The following TRIM24 variants were observed in gnomAD, a reference collection of about 807,000 sequenced individuals.
TRIM24 encodes the protein tripartite motif containing 24.
TRIM24 carries 29 observed loss-of-function variants against 123.9 expected under a neutral mutation model. That is an observed-to-expected ratio of 0.23 (90% CI 0.17 to 0.32). The LOEUF is 0.32. Ranked by LOEUF, TRIM24 falls within the 10% of genes least tolerant of loss-of-function variation. The probability of loss-of-function intolerance (pLI) is 1.00; values close to 1 mark genes in which losing one functional copy is unlikely to be tolerated. For synonymous variants in TRIM24, 456 were observed against 461.1 expected (o/e 0.99, Z 0.14); for missense variants, 932 against 1,295.3 (o/e 0.72, Z 4.31).
intron 6 of TRIM24, among the ~76,000 whole-genome samples, chr7:138,534,914 A>G (rs888663827): frequency 3.3e-5 from 5 of 152,076 alleles, no homozygotes; most frequent in Non-Finnish European, 7.3e-5. Flanking sequence ...TTGGGTGCAT[A>G]TATGTTTAGG....
chr7:138,580,496 G>A, intron 15 of TRIM24, 66 bp from the exon 16 acceptor site: 1 of 1,548,532 alleles, frequency 6.5e-7, no homozygotes, highest in Non-Finnish European at 8.7e-7. Flanking sequence ...GAGGAGGTGG[G>A]AAAGGGAAAT....
chr7:138,507,539 T>C (rs949893151), intron 2 of TRIM24, among the ~76,000 whole-genome samples: 1 of 151,856 alleles, frequency 6.6e-6, no homozygotes, highest in Non-Finnish European at 1.5e-5. Flanking sequence ...GCCAGACTGG[T>C]TGCAAACTCC....
intron 17 of TRIM24, among the ~76,000 whole-genome samples, chr7:138,582,652 G>C (rs1013374151): frequency 6.6e-6 from 1 of 152,080 alleles, no homozygotes; most frequent in Non-Finnish European, 1.5e-5. Flanking sequence ...CCCGGAGGCG[G>C]AGGTTGCAGT....
At position 138,567,557 on chromosome 7, in the gene TRIM24, A is replaced by T. The variant is rs776100799; in HGVS notation, c.1607A>T (p.Gln536Leu). Reference sequence around the variant, plus strand: ...GGACCAGTTCTTCCTCCTCATCCTCAACAACTGAGATATCCACCAAACCAG... The same window carrying T: ...GGACCAGTTCTTCCTCCTCATCCTCTACAACTGAGATATCCACCAAACCAG... ...PNGPVLPPHP[Q>L]QLRYPPNQNI... Residue 536 changes from glutamine (Q) to leucine (L), a missense_variant, in exon 10 of 19, where the codon CAA becomes CTA. By Grantham distance (113) the Gln-to-Leu change is moderately radical. Around this residue, in one of 7 missense-constraint regions of TRIM24, gnomAD observed 527 missense variants for 691.3 expected, o/e 0.76. Coordinates refer to ENST00000343526, the MANE Select transcript of TRIM24 (RefSeq NM_015905.3). 3.1e-6 allele frequency: 5 copies of T among 1,613,930 alleles called. No homozygotes were observed. In the Admixed American group the frequency reaches 8.3e-5, roughly 27 times the overall value.
At chr7:138,552,618 A>G (rs1394634596) in intron 8 of TRIM24, among the ~76,000 whole-genome samples, 1 of 152,098 alleles carries the variant, frequency 6.6e-6, no homozygotes, top group Non-Finnish European at 1.5e-5. Flanking sequence ...TCTTATCCCC[A>G]ACACTAGATT....
intron 1 of TRIM24, among the ~76,000 whole-genome samples, chr7:138,464,253 C>G (rs1167647585): frequency 6.6e-6 from 1 of 151,772 alleles, no homozygotes; most frequent in African/African-American, 2.4e-5. Flanking sequence ...GCCTTGGCCC[C>G]CAGAAGTGCT....
chr7:138,493,341 A>G (rs1387017432), intron 1 of TRIM24, among the ~76,000 whole-genome samples: 2 of 152,212 alleles, frequency 1.3e-5, no homozygotes, highest in African/African-American at 4.8e-5. Context: ...AAGTATTACA[A>G]TGTGTTGGTA....
rs1798055448 is a variant in TRIM24 at position 138,588,513 on chromosome 7, A to C, written c.*3562A>C. 6.6e-6 allele frequency: 1 copy of C among 151,230 alleles called. No individual in the cohort carries two copies. The highest frequency in any genetic ancestry group is 2.1e-4 in the South Asian group (1 of 4,780). 9.4% of individuals were successfully genotyped at this position (151,230 alleles called of 1,614,324 possible). A position where few individuals can be genotyped will look rare whatever the true frequency, so the allele number is the denominator to read the frequency against. ...TCAGGAGTTTGAGACCAGCCTGACCAACATGGTGAAACCCCATCTCTACTA... is the reference window on the plus strand; with the variant it reads ...TCAGGAGTTTGAGACCAGCCTGACCCACATGGTGAAACCCCATCTCTACTA... On this transcript the variant is annotated 3_prime_UTR_variant, in exon 19 of 19. Coordinates refer to ENST00000343526, the MANE Select transcript of TRIM24 (RefSeq NM_015905.3).
At chr7:138,522,284 T>C (rs970016030) in intron 4 of TRIM24, among the ~76,000 whole-genome samples, 2 of 151,160 alleles carry the variant, frequency 1.3e-5, no homozygotes, top group Admixed American at 1.3e-4. Flanking sequence ...TGCAGTGAGC[T>C]GAGATGGCAC....
chr7:138,543,707 A>C (rs1015149754), intron 7 of TRIM24, among the ~76,000 whole-genome samples: 1 of 152,230 alleles, frequency 6.6e-6, no homozygotes, highest in South Asian at 2.1e-4. Flanking sequence ...AAACAGATGA[A>C]TATCCATTAT....
Position 138,554,785 on chromosome 7 carries a change from G to GT in TRIM24, c.1352dup (p.Leu451PhefsTer47). ...GAACAGAATTCACAGCCACCAAGTG[G>GT]TTTATCATCAAACCAGTTATCCAAG... On this transcript the variant is annotated frameshift_variant, in exon 9 of 19. Coordinates refer to ENST00000343526, the MANE Select transcript of TRIM24 (RefSeq NM_015905.3). LOFTEE classifies it high-confidence loss of function. The surrounding 1 kb of genome is among the most constrained non-coding windows in gnomAD (Gnocchi z 4.5). The GT allele has an allele frequency of 6.2e-7, 1 of 1,614,194 alleles. No individual in the cohort carries two copies. The highest frequency in any genetic ancestry group is 1.1e-5 in the South Asian group (1 of 91,086).
At chr7:138,552,332 C>G (rs1320980092) in intron 8 of TRIM24, among the ~76,000 whole-genome samples, 2 of 152,108 alleles carry the variant, frequency 1.3e-5, no homozygotes, top group Non-Finnish European at 2.9e-5. Flanking sequence ...TGAATTATCA[C>G]AAAAAGAGAC....
intron 7 of TRIM24, among the ~76,000 whole-genome samples, chr7:138,539,060 T>A (rs894063947): frequency 2.0e-5 from 3 of 152,212 alleles, no homozygotes; most frequent in African/African-American, 7.2e-5. Context: ...ATATCAAAAA[T>A]AAGGATGATA....
chr7:138,502,169 C>T (rs904719772), intron 1 of TRIM24, among the ~76,000 whole-genome samples: 1 of 152,168 alleles, frequency 6.6e-6, no homozygotes, highest in Admixed American at 6.5e-5. Context: ...TGCTGGTCCT[C>T]ATCTACCTGA....
rs1796581874 is a variant in TRIM24, at chr7:138,525,131, T to G, written c.765-110T>G. 4 of 501,372 alleles carry G rather than the reference T, an allele frequency of 8.0e-6. No homozygotes were observed. In the South Asian group the frequency reaches 1.6e-4, roughly 20 times the overall value. 31.1% of individuals were successfully genotyped at this position (501,372 alleles called of 1,614,324 possible). ...GGATACGTTTGATGTTTTAAAAGAT[T>G]ATTATATAAATTCTTTATAATCCTA... On this transcript the variant is annotated intron_variant, in intron 4 of 18. Coordinates refer to ENST00000343526, the MANE Select transcript of TRIM24 (RefSeq NM_015905.3).
At chr7:138,494,047 T>C (rs754985541) in intron 1 of TRIM24, among the ~76,000 whole-genome samples, 5 of 151,982 alleles carry the variant, frequency 3.3e-5, no homozygotes, top group Non-Finnish European at 7.4e-5. Flanking sequence ...AATGGCGCGA[T>C]CTCAGCTCAC....
rs1473903840 is a variant in TRIM24, at chr7:138,585,031, AC to A, written c.*81del. 7.9e-7 allele frequency: 1 copy of A among 1,258,130 alleles called. No individual in the cohort carries two copies. The allele number at this position is 1,258,130 out of a possible 1,614,324, so 77.9% of individuals were successfully genotyped here. ...CATTTGTCAGTAATTTAACATCACT[AC>A]AAAAAGAAGAGTTTGTGACTATTCT... On this transcript the variant is annotated 3_prime_UTR_variant, in exon 19 of 19. Coordinates refer to ENST00000343526, the MANE Select transcript of TRIM24 (RefSeq NM_015905.3).
chr7:138,504,153 A>G, intron 1 of TRIM24, 137 bp from the exon 2 acceptor site: 1 of 478,130 alleles, frequency 2.1e-6, no homozygotes, highest in South Asian at 5.6e-5. Context: ...TACATAGACA[A>G]TTGTTTTTAA....
At position 138,460,773 on chromosome 7, in the gene TRIM24, C is replaced by T. The variant is rs1356258819; in HGVS notation, c.225C>T (p.His75=). 8 of 1,585,088 alleles carry T rather than the reference C, an allele frequency of 5.0e-6. No individual in the cohort carries two copies. The highest frequency in any genetic ancestry group is 4.8e-5 in the East Asian group (2 of 41,354). ...SRAPKLLPCL[H]SFCQRCLPAP... is the part of the protein sequence containing the mutation. ...CGCCCAAGCTGCTGCCCTGCCTGCA[C>T]TCTTTCTGCCAGCGCTGCCTGCCCG... Residue 75 remains histidine (H), a synonymous_variant, in exon 1 of 19, where the codon CAC becomes CAT. Coordinates refer to ENST00000343526, the MANE Select transcript of TRIM24 (RefSeq NM_015905.3).
Sources: allele counts gnomAD v4.1 joint callset (sites outside exome capture counted in the v4.1 genomes callset), GRCh38; gene constraint gnomAD v4.1.1; regional missense constraint gnomAD v4.1.1; non-coding constraint Gnocchi (gnomAD v3.1); transcripts MANE v1.5; gene names NCBI Gene and HGNC (gene_info 2026-07-23, HGNC 2026-07-21).